Variants in ZRANB3 observed in about 807,000 individuals in gnomAD.
ZRANB3 encodes the protein DNA annealing helicase and endonuclease ZRANB3.
A neutral mutation model predicts 133.8 loss-of-function variants in ZRANB3; 125 were observed. The ratio of observed to expected loss-of-function variants is 0.93; its 90% CI spans 0.81 to 1.08. The LOEUF is 1.08. Among genes scored for constraint, ZRANB3 ranks in the 50% least tolerant of loss-of-function variants. The probability of loss-of-function intolerance (pLI) is 0.00; values close to 1 mark genes in which losing one functional copy is unlikely to be tolerated. For synonymous variants in ZRANB3, 387 were observed against 432.7 expected, an observed-to-expected ratio of 0.89 and a Z score of 1.31; for missense variants, 1,229 against 1,275.5, an observed-to-expected ratio of 0.96 and a Z score of 0.56.
chr2:135,246,073 C>G lies in ZRANB3; in HGVS notation c.1540-15146G>C, dbSNP rs1379889790. Among the ~76,000 whole-genome samples the G allele has an allele frequency of 7.9e-5, 9 of 113,702 alleles. No individual in the cohort carries two copies. The Admixed American group carries it at 1.0e-3, about 13-fold the overall frequency. The allele number at this position is 113,702 out of a possible 152,430, so 74.6% of individuals were successfully genotyped here. On this transcript the variant is annotated intron_variant, in intron 12 of 20. Transcript: ENST00000264159. ...TTTTTTTTTGAGACAGAGTCTTGCT[C>G]TGTTGCTCAGGCTGGAGTGCAATGG...
chr2:135,285,250 C>T (rs1681298987), intron 8 of ZRANB3, among the ~76,000 whole-genome samples: 1 of 152,162 alleles, frequency 6.6e-6, no homozygotes, highest in South Asian at 2.1e-4. Flanking sequence ...GGATTATTTC[C>T]TTATCTTTAA....
At chr2:135,417,382 A>G (rs1479622128) in intron 2 of ZRANB3, among the ~76,000 whole-genome samples, 1 of 152,082 alleles carries the variant, frequency 6.6e-6, no homozygotes, top group Non-Finnish European at 1.5e-5. Context: ...ACTGGCCATC[A>G]GAGAAATGCA....
At chr2:135,357,709 G>A (rs1049677570) in intron 3 of ZRANB3, among the ~76,000 whole-genome samples, 3 of 152,144 alleles carry the variant, frequency 2.0e-5, no homozygotes, top group Admixed American at 2.0e-4. Context: ...ACCATGCCCA[G>A]CCAAAAAAAT....
At chr2:135,309,426 C>T (rs1329663029) in intron 8 of ZRANB3, among the ~76,000 whole-genome samples, 1 of 151,966 alleles carries the variant, frequency 6.6e-6, no homozygotes, top group Non-Finnish European at 1.5e-5. Context: ...AAATAAAAGG[C>T]ATATATATTA....
intron 12 of ZRANB3, among the ~76,000 whole-genome samples, chr2:135,261,899 C>G (rs1480383414): frequency 6.6e-6 from 1 of 152,028 alleles, no homozygotes; most frequent in Admixed American, 6.6e-5. Context: ...GTAGCTCATA[C>G]CTGTAATCCT....
At position 135,219,008 on chromosome 2, in the gene ZRANB3, G is replaced by C. The variant is rs1694426791; in HGVS notation, c.2352+69C>G. 3 of 1,076,062 alleles carry C rather than the reference G, an allele frequency of 2.8e-6. No individual in the cohort carries two copies. In the South Asian group the frequency reaches 6.9e-5, roughly 25 times the overall value. The allele number at this position is 1,076,062 out of a possible 1,614,324, so 66.7% of individuals were successfully genotyped here. On this transcript the variant is annotated intron_variant, in intron 16 of 20. Coordinates refer to ENST00000264159, the MANE Select transcript of ZRANB3 (RefSeq NM_032143.4). ...GCTTTTTTAAAATTAAACTAAAAAT[G>C]ATCATTAAAATTACTAAAACAAGTT...
intron 8 of ZRANB3, among the ~76,000 whole-genome samples, chr2:135,295,756 C>G (rs1165954818): frequency 3.3e-5 from 5 of 152,060 alleles, no homozygotes; most frequent in Non-Finnish European, 5.9e-5. Flanking sequence ...TTCAGGAGCT[C>G]TGGTAGGGCA....
chr2:135,512,608 G>C (rs1447753113), intron 1 of ZRANB3, among the ~76,000 whole-genome samples: 1 of 151,304 alleles, frequency 6.6e-6, no homozygotes, highest in Non-Finnish European at 1.5e-5. Context: ...CCTTAAATAG[G>C]AGGATTCATA....
chr2:135,330,192 G>A (rs530829731), intron 6 of ZRANB3, among the ~76,000 whole-genome samples: 2 of 152,006 alleles, frequency 1.3e-5, no homozygotes, highest in Non-Finnish European at 2.9e-5. Context: ...GCTGTGGATT[G>A]ATCATAAATA....
intron 2 of ZRANB3, among the ~76,000 whole-genome samples, chr2:135,467,772 T>TTG (rs1453688051): frequency 6.6e-6 from 1 of 152,226 alleles, no homozygotes; most frequent in African/African-American, 2.4e-5. Flanking sequence ...CAGCCTTACT[T>TTG]TGTGTCTCTC....
intron 1 of ZRANB3, among the ~76,000 whole-genome samples, chr2:135,526,232 C>T (rs932488058): frequency 7.6e-5 from 11 of 144,748 alleles, no homozygotes; most frequent in African/African-American, 2.9e-4. Context: ...GGCACTATCT[C>T]GGCTCACCGC....
chr2:135,499,589 C>T (rs1366691529), intron 2 of ZRANB3, among the ~76,000 whole-genome samples: 4 of 152,010 alleles, frequency 2.6e-5, no homozygotes, highest in South Asian at 2.1e-4. Flanking sequence ...GGCTAATAAG[C>T]GTATGACAAG....
At chr2:135,493,894 C>T (rs932145176) in intron 2 of ZRANB3, among the ~76,000 whole-genome samples, 5 of 152,016 alleles carry the variant, frequency 3.3e-5, no homozygotes, top group Admixed American at 3.3e-4. Context: ...AGTAAATGAA[C>T]AAAATAATTG....
intron 2 of ZRANB3, among the ~76,000 whole-genome samples, chr2:135,406,277 A>G (rs1688021842): frequency 6.6e-6 from 1 of 152,234 alleles, no homozygotes; most frequent in African/African-American, 2.4e-5. Context: ...ACCAGGAAGA[A>G]GTTGAATCTC....
chr2:135,448,812 A>C (rs1490910638), intron 2 of ZRANB3, among the ~76,000 whole-genome samples: 1 of 152,238 alleles, frequency 6.6e-6, no homozygotes, highest in Admixed American at 6.5e-5. Context: ...GTGTGTATAC[A>C]TGTAAACATG....
At chr2:135,316,026 T>A (rs1573896705) in intron 6 of ZRANB3, among the ~76,000 whole-genome samples, 2 of 152,212 alleles carry the variant, frequency 1.3e-5, no homozygotes, top group Non-Finnish European at 2.9e-5. Flanking sequence ...TGGTGGTCTC[T>A]TCTTCCTTTG....
In ZRANB3 at chr2:135,200,029, A is replaced by T. The variant is rs1693555684; in HGVS notation, c.*313T>A. The T allele has an allele frequency of 2.8e-6, 1 of 358,786 alleles. No individual in the cohort carries two copies. The highest frequency in any genetic ancestry group is 2.1e-5 in the African/African-American group (1 of 46,896). The allele number at this position is 358,786 out of a possible 1,614,324, so 22.2% of individuals were successfully genotyped here. ...TTAGGTAATTGAGAGTACATTTTTT[A>T]AACACAATCTATGCACAATACAGTG... is the stretch of plus-strand genomic sequence containing the variant. On this transcript the variant is annotated 3_prime_UTR_variant, in exon 21 of 21. Transcript: ENST00000264159.
Position 135,289,922 on chromosome 2 carries a change from T to C in ZRANB3, c.967-14167A>G, listed in dbSNP as rs150390964. Among the ~76,000 whole-genome samples the C allele has an allele frequency of 2.3e-3, 357 of 152,158 alleles. 2 individuals carry two copies. The highest frequency in any genetic ancestry group is 7.8e-3 in the African/African-American group (325 of 41,538). ...TGTCTCAAAAACAAAAACAAAAACATTCGATTTTCTGAAATTTATTAAGGC... is the reference window on the plus strand; with the variant it reads ...TGTCTCAAAAACAAAAACAAAAACACTCGATTTTCTGAAATTTATTAAGGC... On this transcript the variant is annotated intron_variant, in intron 8 of 20. Coordinates refer to ENST00000264159, the MANE Select transcript of ZRANB3 (RefSeq NM_032143.4).
Position 135,200,400 on chromosome 2 carries a change from C to G in ZRANB3, c.3182G>C (p.Arg1061Thr). The G allele has an allele frequency of 1.2e-6, 2 of 1,608,040 alleles. No individual in the cohort carries two copies. Among genetic ancestry groups the G allele is most frequent in the Non-Finnish European group, 8.5e-7 (1 of 1,177,020 alleles). ...TCCATGCTTTGATGCTAGAGATTGTCTTCTCACCTGGCTTCTTTCCTTAGC... is the reference window on the plus strand; with the variant it reads ...TCCATGCTTTGATGCTAGAGATTGTGTTCTCACCTGGCTTCTTTCCTTAGC... Reference protein sequence around the residue: ...RQAKERSQVRRQSLASKHGSD... With the variant: ...RQAKERSQVRTQSLASKHGSD... The change falls in exon 21 of 21, where the codon AGA (arginine) becomes ACA (threonine). Residue 1061 changes from arginine (R) to threonine (T), a missense_variant. By Grantham distance (71) the Arg-to-Thr change is moderately conservative (BLOSUM62 -1). Coordinates refer to ENST00000264159, the MANE Select transcript of ZRANB3 (RefSeq NM_032143.4).
Sources: allele counts gnomAD v4.1 joint callset (sites outside exome capture counted in the v4.1 genomes callset), GRCh38; gene constraint gnomAD v4.1.1; transcripts MANE v1.5; gene names NCBI Gene and HGNC (gene_info 2026-07-23, HGNC 2026-07-21).